Variants in USP6 observed in about 807,000 individuals in gnomAD.
The protein encoded by USP6 is ubiquitin carboxyl-terminal hydrolase 6.
Under a neutral mutation model 175.7 loss-of-function variants are expected in USP6, and 128 were observed. That is an observed-to-expected ratio of 0.73 (90% CI 0.63 to 0.84). The LOEUF (loss-of-function observed/expected upper bound fraction) is 0.84, where lower values mean the gene tolerates loss of function less well. Ranked by LOEUF, USP6 falls within the 40% of genes least tolerant of loss-of-function variation. The pLI is 0.00. For missense variants in USP6, 1,498 were observed against 1,760.3 expected, an observed-to-expected ratio of 0.85 and a Z score of 2.67; for synonymous variants, 562 against 630.6, an observed-to-expected ratio of 0.89 and a Z score of 1.63.
At chr17:5,169,077 C>A in intron 35 of USP6, 22 bp downstream of exon 35, 1 of 1,552,382 alleles carries the variant, frequency 6.4e-7, no homozygotes, top group South Asian at 1.3e-5. Context: ...GGGCCTTATG[C>A]AGTTGCTTTC....
intron 16 of USP6, 72 bp from the exon 17 acceptor site, chr17:5,135,736 T>C (rs138606900): frequency 6.3e-7 from 1 of 1,596,830 alleles, no homozygotes; most frequent in Middle Eastern, 2.3e-4. Context: ...CCCTCTCCAA[T>C]GACATGAGTC....
rs769788923 is a variant in USP6 at position 5,135,259 on chromosome 17, C to G, written c.520C>G (p.Leu174Val). The G allele has an allele frequency of 3.7e-6, 6 of 1,612,992 alleles. No homozygotes were observed. The highest frequency in any genetic ancestry group is 1.1e-5 in the South Asian group (1 of 91,066). Residue 174 changes from leucine to valine, a missense_variant, in exon 16 of 38, where the codon CTG becomes GTG. Leu to Val is a conservative substitution (Grantham distance 32, BLOSUM62 1). Transcript: ENST00000574788. ...AKQRELFYIL[L>V]AYSEYNPEVG... is the part of the protein sequence containing the mutation. ...GCAGAGGGAACTATTCTACATCCTC[C>G]TGGCCTATTCGGAGTATAACCCGGT...
At chr17:5,148,958 T>G (rs1255300299) in intron 30 of USP6, among the ~76,000 whole-genome samples, 191 bp downstream of exon 30, 1 of 152,244 alleles carries the variant, frequency 6.6e-6, no homozygotes, top group East Asian at 1.9e-4. Context: ...GCTATGAATG[T>G]ATTTTCAATG....
intron 4 of USP6, among the ~76,000 whole-genome samples, 155 bp from the exon 5 acceptor site, chr17:5,124,411 T>C (rs1005138791): frequency 6.6e-6 from 1 of 152,170 alleles, no homozygotes; most frequent in Non-Finnish European, 1.5e-5. Flanking sequence ...AGAACTCGGT[T>C]GGGAATGGCA....
intron 26 of USP6, 25 bp downstream of exon 26, chr17:5,144,888 G>A: frequency 1.9e-6 from 3 of 1,574,386 alleles, no homozygotes; most frequent in African/African-American, 2.7e-5. Context: ...AGTTTCTAAT[G>A]TAAGCAATAG....
At chr17:5,157,961 ATGG>A (rs986172283) in intron 31 of USP6, among the ~76,000 whole-genome samples, 7 of 151,614 alleles carry the variant, frequency 4.6e-5, no homozygotes, top group African/African-American at 1.7e-4. Context: ...TTGTTTGTGA[ATGG>A]TGGTACCATT....
chr17:5,172,300 G>C (rs1458785707), intron 37 of USP6, among the ~76,000 whole-genome samples: 1 of 152,160 alleles, frequency 6.6e-6, no homozygotes, highest in African/African-American at 2.4e-5. Flanking sequence ...GGGAGGCCAA[G>C]GTGGGCGGAT....
chr17:5,138,332 G>A (rs745356705), intron 21 of USP6, 59 bp downstream of exon 21: 25 of 1,607,278 alleles, frequency 1.6e-5, no homozygotes, highest in Middle Eastern at 3.7e-4. Context: ...AATAGTGGGC[G>A]GGTGCCCCGG....
In USP6 at chr17:5,169,055, G is replaced by GGT. The variant is rs2074158184; in HGVS notation, c.3517+2_3517+3dup. On this transcript the variant is annotated frameshift_variant and splice_region_variant. Coordinates refer to ENST00000574788, the MANE Select transcript of USP6 (RefSeq NM_001304284.2). LOFTEE classifies it high-confidence loss of function. The stretch of plus-strand genomic sequence containing the variant: ...CGCTAACATCAGCAGCAGCCCAAAA[G>GGT]GTGAGGCCTGGGGGCCTTATGCAGT... The GGT allele has an allele frequency of 6.3e-7, 1 of 1,597,574 alleles. No individual in the cohort carries two copies. The highest frequency in any genetic ancestry group is 1.3e-5 in the African/African-American group (1 of 74,384).
At chr17:5,170,448 T>A in intron 35 of USP6, 31 bp from the exon 36 acceptor site, 3 of 1,546,850 alleles carry the variant, frequency 1.9e-6, no homozygotes, top group Non-Finnish European at 2.6e-6. Flanking sequence ...GCATTTGGAT[T>A]TGTGAATCTT....
intron 30 of USP6, among the ~76,000 whole-genome samples, chr17:5,151,410 C>T (rs4790748): frequency 0.49 from 73,207 of 150,768 alleles, 20,323 homozygotes; most frequent in Non-Finnish European, 0.64. Flanking sequence ...TGCACAATCC[C>T]AATAAAAATG....
intron 33 of USP6, among the ~76,000 whole-genome samples, chr17:5,166,652 C>T (rs1316499572): frequency 2.0e-5 from 3 of 151,990 alleles, no homozygotes; most frequent in Admixed American, 6.6e-5. Flanking sequence ...GAAGTCTTAA[C>T]GGTAGCATTC....
intron 31 of USP6, among the ~76,000 whole-genome samples, chr17:5,159,606 C>A (rs1192670506): frequency 6.6e-6 from 1 of 152,126 alleles, no homozygotes; most frequent in African/African-American, 2.4e-5. Context: ...AGATCATGTA[C>A]AAGTGGCATA....
chr17:5,137,120 G>A lies in USP6; in HGVS notation c.760-1G>A, dbSNP rs1293981560. On this transcript the variant is annotated splice_acceptor_variant, in intron 18 of 37. Coordinates refer to ENST00000574788, the MANE Select transcript of USP6 (RefSeq NM_001304284.2). LOFTEE classifies it high-confidence loss of function. ...CTGAGCACCTCTGTTCATCCCATCA[G>A]GACAAGGAAGGTCTATGCGGGCAGT... is the stretch of plus-strand genomic sequence containing the variant. The A allele has an allele frequency of 6.2e-7, 1 of 1,613,532 alleles. No individual in the cohort carries two copies. The highest frequency in any genetic ancestry group is 2.2e-5 in the East Asian group (1 of 44,868).
chr17:5,133,168 C>T (rs1567780939), intron 13 of USP6, among the ~76,000 whole-genome samples, 178 bp downstream of exon 13: 1 of 152,144 alleles, frequency 6.6e-6, no homozygotes, highest in South Asian at 2.1e-4. Flanking sequence ...TGTCACCTTG[C>T]TGGGAGGGAA....
intron 19 of USP6, 94 bp from the exon 20 acceptor site, chr17:5,137,553 GTCAC>G: frequency 7.9e-7 from 1 of 1,260,644 alleles, no homozygotes; most frequent in Non-Finnish European, 1.1e-6. Flanking sequence ...CATGGGGAAG[GTCAC>G]TGACTCTGGA....
At chr17:5,147,744 G>T in intron 29 of USP6, among the ~76,000 whole-genome samples, 1 of 152,178 alleles carries the variant, frequency 6.6e-6, no homozygotes, top group East Asian at 1.9e-4. Flanking sequence ...GAGTATCACT[G>T]TCTAATAGAA....
At chr17:5,133,392 T>C in intron 13 of USP6, 51 bp from the exon 14 acceptor site, 1 of 1,543,192 alleles carries the variant, frequency 6.5e-7, no homozygotes, top group Non-Finnish European at 8.9e-7. Context: ...GCTCTGGTCC[T>C]CACTGGGGTC....
chr17:5,125,678 G>GCGCACACACACACA (rs1344445678), intron 5 of USP6, 143 bp from the exon 6 acceptor site: 1 of 137,592 alleles, frequency 7.3e-6, no homozygotes, highest in Non-Finnish European at 1.6e-5. Context: ...ACACGCACAT[G>GCGCACACACACACA]CACACACACA....
Sources: gnomAD v4.1 joint callset for allele counts (sites outside exome capture counted in the v4.1 genomes callset) on GRCh38, gnomAD v4.1.1 for gene constraint, MANE v1.5 for transcripts, NCBI Gene and HGNC (gene_info 2026-07-23, HGNC 2026-07-21) for gene names.